Variants in SLC13A4 observed in about 807,000 individuals in gnomAD.
SLC13A4 encodes solute carrier family 13 member 4.
Under a neutral mutation model 72.7 loss-of-function variants are expected in SLC13A4, and 28 were observed. The ratio of observed to expected loss-of-function variants is 0.39; its 90% confidence interval spans 0.29 to 0.53. SLC13A4 has a LOEUF of 0.53. Ranked by LOEUF, SLC13A4 falls within the 20% of genes least tolerant of loss-of-function variation. The probability of loss-of-function intolerance (pLI) is 0.78; values close to 1 mark genes in which losing one functional copy is unlikely to be tolerated. For synonymous variants in SLC13A4, 312 were observed against 325.5 expected, an observed-to-expected ratio of 0.96 and a Z score of 0.45; for missense variants, 653 against 788.0, an observed-to-expected ratio of 0.83 and a Z score of 2.05.
At position 135,694,242 on chromosome 7, in the gene SLC13A4, A is replaced by T; in HGVS notation, c.1020-4T>A. On this transcript the variant is annotated splice_polypyrimidine_tract_variant and splice_region_variant and intron_variant, in intron 9 of 15. Coordinates refer to ENST00000682651, the MANE Select transcript of SLC13A4 (RefSeq NM_001318192.2). ...CAGAGAGCAGGTCTCTTTAAAACTG[A>T]GAAGGGAGAATGAGCAAATGATTAA... 1 of 1,557,152 alleles carries T rather than the reference A, an allele frequency of 6.4e-7. No homozygotes were observed. The highest frequency in any genetic ancestry group is 8.9e-7 in the Non-Finnish European group (1 of 1,129,382).
chr7:135,725,517 T>G (rs1206521750), intron 1 of SLC13A4, among the ~76,000 whole-genome samples: 1 of 152,096 alleles, frequency 6.6e-6, no homozygotes. Flanking sequence ...AGGGGGAAGG[T>G]CATTTTGACT....
Position 135,691,338 on chromosome 7 carries a change from G to A in SLC13A4, c.1322-13C>T. ...TCCTGGTTCTCTCCTGGATTAGAGA[G>A]AGATGTAAAGCCAGATAAACCCTGA... On this transcript the variant is annotated splice_polypyrimidine_tract_variant and intron_variant, in intron 12 of 15. Transcript: ENST00000682651. 3.8e-6 allele frequency: 6 copies of A among 1,595,970 alleles called. No homozygotes were observed. The highest frequency in any genetic ancestry group is 5.1e-6 in the Non-Finnish European group (6 of 1,169,150).
At chr7:135,724,482 G>T (rs1796610700) in intron 1 of SLC13A4, among the ~76,000 whole-genome samples, 1 of 129,838 alleles carries the variant, frequency 7.7e-6, no homozygotes, top group Admixed American at 8.7e-5. Context: ...CTGAGTGACA[G>T]AGTGAGACTC....
intron 13 of SLC13A4, among the ~76,000 whole-genome samples, chr7:135,687,971 C>T (rs1017277439): frequency 5.9e-5 from 9 of 151,642 alleles, no homozygotes; most frequent in South Asian, 2.1e-4. Flanking sequence ...CCACCATCCC[C>T]GGCTAAATTT....
intron 2 of SLC13A4, among the ~76,000 whole-genome samples, chr7:135,713,256 T>C (rs1796344472): frequency 6.6e-6 from 1 of 152,212 alleles, no homozygotes; most frequent in Non-Finnish European, 1.5e-5. Flanking sequence ...GGTGGTTTGA[T>C]TGCTTTTTCT....
Position 135,681,446 on chromosome 7 carries a change from C to G in SLC13A4, c.*117G>C. ...GAATCTTCTGGTGGAGGGATGCCCT[C>G]CGGCGTGGGTCTGGGGTTGTGTGCT... On this transcript the variant is annotated 3_prime_UTR_variant, in exon 16 of 16. Transcript: ENST00000682651. The G allele has an allele frequency of 7.6e-7, 1 of 1,320,014 alleles. No individual in the cohort carries two copies. The highest frequency in any genetic ancestry group is 1.0e-6 in the Non-Finnish European group (1 of 970,450). 81.8% of individuals were successfully genotyped at this position (1,320,014 alleles called of 1,614,324 possible).
At chr7:135,699,222 G>T in intron 8 of SLC13A4, 142 bp downstream of exon 8, 1 of 836,672 alleles carries the variant, frequency 1.2e-6, no homozygotes. Flanking sequence ...TTACAGATAT[G>T]AGCCACTGTG....
Position 135,691,553 on chromosome 7 carries a change from T to C in SLC13A4, c.1316A>G (p.Asn439Ser), listed in dbSNP as rs1372066012. The C allele has an allele frequency of 1.5e-5, 24 of 1,611,534 alleles. No individual in the cohort carries two copies. Among genetic ancestry groups the C allele is most frequent in the Non-Finnish European group, 2.0e-5 (24 of 1,177,640 alleles). The change falls in exon 12 of 16, where the codon AAT becomes AGT. Residue 439 changes from asparagine to serine, a missense_variant. Coordinates refer to ENST00000682651, the MANE Select transcript of SLC13A4 (RefSeq NM_001318192.2). ...PAKKPCFGKK[N>S]DGENQEHSLG... is the part of the protein sequence containing the mutation. Reference sequence around the variant, plus strand: ...AGTTTCTTCCCTTCTCTCACCATCATTCTTTTTCCCAAAGCAGGGCTTCTT... The same window carrying C: ...AGTTTCTTCCCTTCTCTCACCATCACTCTTTTTCCCAAAGCAGGGCTTCTT...
chr7:135,684,191 A>G lies in SLC13A4; in HGVS notation c.1679T>C (p.Met560Thr), dbSNP rs1795570186. 6.2e-7 allele frequency: 1 copy of G among 1,613,330 alleles called. No homozygotes were observed. The highest frequency in any genetic ancestry group is 1.7e-5 in the Admixed American group (1 of 59,932). Reference sequence around the variant, plus strand: ...ATTAGGGGGATTGCCCACAGGCAGCATCACTGCAAAGGAGATGCACATGGT... The same window carrying G: ...ATTAGGGGGATTGCCCACAGGCAGCGTCACTGCAAAGGAGATGCACATGGT... The part of the protein sequence containing the change: ...PVTMCISFAV[M>T]LPVGNPPNAI... The change falls in exon 15 of 16, where the codon ATG becomes ACG. Residue 560 changes from methionine (M) to threonine (T), a missense_variant. Physicochemically the swap from Met to Thr is moderately conservative, Grantham distance 81 (BLOSUM62 -1). Transcript: ENST00000682651.
At chr7:135,722,168 C>T (rs1796562513) in intron 1 of SLC13A4, among the ~76,000 whole-genome samples, 1 of 152,152 alleles carries the variant, frequency 6.6e-6, no homozygotes, top group Admixed American at 6.5e-5. Context: ...CACTTGAGCC[C>T]AGGGGCTTCA....
chr7:135,708,613 T>G (rs1276946238), intron 2 of SLC13A4, among the ~76,000 whole-genome samples: 2 of 152,196 alleles, frequency 1.3e-5, no homozygotes, highest in Non-Finnish European at 2.9e-5. Flanking sequence ...TCTTTTAAAA[T>G]AACCCTAGGT....
intron 1 of SLC13A4, among the ~76,000 whole-genome samples, chr7:135,723,944 C>T (rs981441094): frequency 2.6e-5 from 4 of 152,152 alleles, no homozygotes; most frequent in Non-Finnish European, 5.9e-5. Context: ...GAAACAAATT[C>T]AATTTAGAGA....
At position 135,694,178 on chromosome 7, in the gene SLC13A4, C is replaced by T; in HGVS notation, c.1080G>A (p.Glu360=). 3 of 1,613,458 alleles carry T rather than the reference C, an allele frequency of 1.9e-6. No individual in the cohort carries two copies. Among genetic ancestry groups the T allele is most frequent in the Non-Finnish European group, 2.5e-6 (3 of 1,179,396 alleles). The change falls in exon 10 of 16, where the codon GAG becomes GAA. Residue 360 remains glutamate, a synonymous_variant. Transcript: ENST00000682651. Reference sequence around the variant, plus strand: ...TTTCATATTCTTCTTGGATCCTCTTCTCTGACAACTGTTCCCTTTTGGTCT... The same window carrying T: ...TTTCATATTCTTCTTGGATCCTCTTTTCTGACAACTGTTCCCTTTTGGTCT... ...KKKTKREQLS[E]KRIQEEYEKL...
chr7:135,689,473 T>C (rs1295991314), intron 13 of SLC13A4, among the ~76,000 whole-genome samples: 1 of 152,162 alleles, frequency 6.6e-6, no homozygotes, highest in Non-Finnish European at 1.5e-5. Flanking sequence ...AGGTGAGAGA[T>C]GGGGCTTGGG....
At chr7:135,713,864 T>G (rs1796358873) in intron 2 of SLC13A4, among the ~76,000 whole-genome samples, 1 of 152,208 alleles carries the variant, frequency 6.6e-6, no homozygotes, top group South Asian at 2.1e-4. Context: ...TGTGAGCCAC[T>G]GTGCCCAGCC....
intron 13 of SLC13A4, among the ~76,000 whole-genome samples, chr7:135,689,899 G>A (rs1036932544): frequency 1.3e-5 from 2 of 152,034 alleles, no homozygotes; most frequent in African/African-American, 2.4e-5. Flanking sequence ...AGTGAACCAA[G>A]CCGGGCACAG....
intron 4 of SLC13A4, 198 bp downstream of exon 4, chr7:135,705,930 G>A (rs1037669559): frequency 1.2e-5 from 7 of 571,084 alleles, no homozygotes; most frequent in Non-Finnish European, 2.1e-5. Flanking sequence ...AGCCAGAACA[G>A]GGAGTTCAGG....
At chr7:135,697,714 T>G (rs1210003152) in intron 8 of SLC13A4, among the ~76,000 whole-genome samples, 1 of 152,156 alleles carries the variant, frequency 6.6e-6, no homozygotes, top group East Asian at 1.9e-4. Flanking sequence ...AGTTCCTCAG[T>G]GGGTCTTGCC....
At position 135,701,919 on chromosome 7, in the gene SLC13A4, C is replaced by T. The variant is rs959838192; in HGVS notation, c.634-159G>A. 2.7e-5 allele frequency: 16 copies of T among 594,170 alleles called. No homozygotes were observed. The African/African-American group carries it at 3.0e-4, about 11-fold the overall frequency. The allele number at this position is 594,170 out of a possible 1,614,324, so 36.8% of individuals were successfully genotyped here. ...GAGCATATACACCAGGGCACCTCAG[C>T]CAGGCCTGCCCCGCCCAGCCTGGTG... On this transcript the variant is annotated intron_variant, in intron 6 of 15. Coordinates refer to ENST00000682651, the MANE Select transcript of SLC13A4 (RefSeq NM_001318192.2).
Sources: allele counts gnomAD v4.1 joint callset (sites outside exome capture counted in the v4.1 genomes callset), GRCh38; gene constraint gnomAD v4.1.1; transcripts MANE v1.5; gene names NCBI Gene and HGNC (gene_info 2026-07-23, HGNC 2026-07-21).